Variants in FAM135B observed in about 807,000 individuals in gnomAD.
FAM135B encodes the protein protein FAM135B.
A neutral mutation model predicts 127.7 loss-of-function variants in FAM135B; 43 were observed. The observed-to-expected ratio is 0.34, with a 90% CI of 0.26 to 0.43. FAM135B has a LOEUF of 0.43. FAM135B is among the 20% of genes least tolerant of loss of function. The probability of loss-of-function intolerance (pLI) is 1.00; values close to 1 mark genes in which losing one functional copy is unlikely to be tolerated. For missense variants in FAM135B, 1,558 were observed against 1,725.6 expected, an observed-to-expected ratio of 0.90 and a Z score of 1.72; for synonymous variants, 670 against 665.1, an observed-to-expected ratio of 1.01 and a Z score of -0.11.
intron 1 of FAM135B, among the ~76,000 whole-genome samples, chr8:138,426,010 T>TATATATATATATAC (rs1563992442): frequency 4.3e-4 from 7 of 16,202 alleles, no homozygotes; most frequent in East Asian, 1.0e-3. Context: ...TATATATATA[T>TATATATATATATAC]ATACACACAC....
rs541575476 is a variant in FAM135B at position 138,380,867 on chromosome 8, G to A, written c.-19-12865C>T. Among the ~76,000 whole-genome samples, 20 of 151,828 alleles carry A rather than the reference G, an allele frequency of 1.3e-4. No individual in the cohort carries two copies. In the South Asian group the frequency reaches 3.5e-3, roughly 27 times the overall value. ...TCCTTCCTCTTAACATGCAGACATC[G>A]GGTAATGGATAACATCAGGGTATCA... On this transcript the variant is annotated intron_variant, in intron 1 of 19. Coordinates refer to ENST00000395297, the MANE Select transcript of FAM135B (RefSeq NM_015912.4).
intron 1 of FAM135B, among the ~76,000 whole-genome samples, chr8:138,420,275 C>T (rs569221921): frequency 7.2e-5 from 11 of 152,008 alleles, no homozygotes; most frequent in African/African-American, 2.6e-4. Context: ...TTCCTGGAAA[C>T]ATAAAATTTC....
At chr8:138,216,083 C>G (rs1158647957) in intron 7 of FAM135B, among the ~76,000 whole-genome samples, 5 of 152,122 alleles carry the variant, frequency 3.3e-5, no homozygotes, top group African/African-American at 4.8e-5. Context: ...AGACAAGGAG[C>G]CTGTCTGCAC....
At chr8:138,459,710 G>A (rs1418293141) in intron 1 of FAM135B, 1 of 152,170 alleles carries the variant, frequency 6.6e-6, no homozygotes, top group Non-Finnish European at 1.5e-5. Context: ...CTGCAGAAGG[G>A]GCCCTGGCAT....
At chr8:138,166,449 T>C (rs1819933254) in intron 12 of FAM135B, among the ~76,000 whole-genome samples, 4 of 152,230 alleles carry the variant, frequency 2.6e-5, no homozygotes, top group African/African-American at 9.6e-5. Context: ...AAACATGTGA[T>C]CTTTTCCTCC....
At position 138,335,318 on chromosome 8, in the gene FAM135B, C is replaced by T. The variant is rs118078752; in HGVS notation, c.78-24398G>A. 8.8e-3 allele frequency among the ~76,000 whole-genome samples: 1,333 copies of T among 152,274 alleles called. 9 individuals are homozygous for T. The highest frequency in any genetic ancestry group is 0.013 in the Non-Finnish European group (870 of 68,032). ...ACGATTCCTCATTCTTCTCGCCCAG[C>T]ACCCTCATCATCTTATTATTTTCTT... On this transcript the variant is annotated intron_variant, in intron 2 of 19. Coordinates refer to ENST00000395297, the MANE Select transcript of FAM135B (RefSeq NM_015912.4).
intron 3 of FAM135B, among the ~76,000 whole-genome samples, chr8:138,287,304 G>A (rs1183179527): frequency 2.0e-5 from 3 of 152,016 alleles, no homozygotes; most frequent in Non-Finnish European, 4.4e-5. Context: ...TGAGAAGATG[G>A]TCAACCTCCT....
In FAM135B at chr8:138,494,028, T is replaced by C. The variant is rs986503384; in HGVS notation, c.-20+2643A>G. On this transcript the variant is annotated intron_variant, in intron 1 of 19. Coordinates refer to ENST00000395297, the MANE Select transcript of FAM135B (RefSeq NM_015912.4). ...GTTTAAAATATTCCATCAGATGTTT[T>C]CAGCAAATGTTACATGAAGGCCATT... Among the ~76,000 whole-genome samples, 5 of 99,048 alleles carry C rather than the reference T, an allele frequency of 5.0e-5. No homozygotes were observed. The African/African-American group carries it at 5.7e-4, about 11-fold the overall frequency. The allele number at this position is 99,048 out of a possible 152,430, so 65.0% of individuals were successfully genotyped here. A position where few individuals can be genotyped will look rare whatever the true frequency, so the allele number is the denominator to read the frequency against.
At chr8:138,325,812 T>C (rs909484621) in intron 2 of FAM135B, among the ~76,000 whole-genome samples, 2 of 152,178 alleles carry the variant, frequency 1.3e-5, no homozygotes, top group African/African-American at 2.4e-5. Flanking sequence ...GCAAACTAAC[T>C]CTCTGAGCTT....
intron 9 of FAM135B, among the ~76,000 whole-genome samples, chr8:138,192,655 G>A (rs1816244378): frequency 6.6e-6 from 1 of 152,096 alleles, no homozygotes; most frequent in Non-Finnish European, 1.5e-5. Flanking sequence ...AGGACAGTTG[G>A]ACTCATCGCC....
intron 1 of FAM135B, among the ~76,000 whole-genome samples, chr8:138,422,256 C>G (rs954320152): frequency 1.3e-5 from 2 of 152,086 alleles, no homozygotes. Context: ...ATAACAAAAA[C>G]TAAAATAGGC....
intron 7 of FAM135B, among the ~76,000 whole-genome samples, chr8:138,226,663 G>C (rs1819478045): frequency 6.6e-6 from 1 of 152,172 alleles, no homozygotes; most frequent in South Asian, 2.1e-4. Flanking sequence ...CCAGGTTCAA[G>C]CTATTCTCCT....
intron 7 of FAM135B, among the ~76,000 whole-genome samples, chr8:138,235,889 G>C (rs1180426050): frequency 6.6e-6 from 1 of 152,152 alleles, no homozygotes; most frequent in African/African-American, 2.4e-5. Context: ...TCCTCTGTCT[G>C]GGAAACCATC....
intron 2 of FAM135B, among the ~76,000 whole-genome samples, chr8:138,344,577 CTT>C (rs869039075): frequency 6.0e-5 from 5 of 83,932 alleles, no homozygotes; most frequent in Non-Finnish European, 8.2e-5. Context: ...TTCTTTCTTT[CTT>C]TTTTTTTTTT....
At position 138,152,128 on chromosome 8, in the gene FAM135B, C is replaced by T. The variant is rs1293616101; in HGVS notation, c.2347G>A (p.Ala783Thr). The T allele has an allele frequency of 6.2e-7, 1 of 1,613,974 alleles. No individual in the cohort carries two copies. Among genetic ancestry groups the T allele is most frequent in the East Asian group, 2.2e-5 (1 of 44,856 alleles). Residue 783 changes from alanine to threonine, a missense_variant, in exon 13 of 20, where the codon GCT becomes ACT. Ala to Thr is a moderately conservative substitution (Grantham distance 58). Around this residue, in one of 5 missense-constraint regions of FAM135B, gnomAD observed 923 missense variants for 865.3 expected, o/e 1.07. Coordinates refer to ENST00000395297, the MANE Select transcript of FAM135B (RefSeq NM_015912.4). The stretch of plus-strand genomic sequence containing the variant: ...TGCTGCTTGGTGTCCGCATCTTCAG[C>T]AGCCTCCTCTGGGCTACTGATGTGG... ...APHISSPEEA[A>T]EDADTKQQDG... is the part of the protein sequence containing the mutation.
chr8:138,201,210 C>T (rs1817091575), intron 7 of FAM135B, among the ~76,000 whole-genome samples: 1 of 152,174 alleles, frequency 6.6e-6, no homozygotes, highest in Admixed American at 6.5e-5. Flanking sequence ...CGCTACCTGC[C>T]ACTGTCTCAC....
chr8:138,486,179 G>A (rs1352047709), intron 1 of FAM135B, among the ~76,000 whole-genome samples: 2 of 151,936 alleles, frequency 1.3e-5, no homozygotes, highest in Non-Finnish European at 2.9e-5. Flanking sequence ...CAAGCAGAAG[G>A]AGTGGCTAAG....
At chr8:138,442,905 A>G (rs1256499289) in intron 1 of FAM135B, among the ~76,000 whole-genome samples, 1 of 152,192 alleles carries the variant, frequency 6.6e-6, no homozygotes, top group African/African-American at 2.4e-5. Flanking sequence ...CTGACAAATC[A>G]GAAAGGACTA....
At chr8:138,390,541 T>A (rs1832506622) in intron 1 of FAM135B, among the ~76,000 whole-genome samples, 1 of 152,210 alleles carries the variant, frequency 6.6e-6, no homozygotes, top group Non-Finnish European at 1.5e-5. Context: ...GAAAAGGGAC[T>A]AATATAGTGT....
Sources: allele counts gnomAD v4.1 joint callset (sites outside exome capture counted in the v4.1 genomes callset), GRCh38; gene constraint gnomAD v4.1.1; regional missense constraint gnomAD v4.1.1; transcripts MANE v1.5; gene names NCBI Gene and HGNC (gene_info 2026-07-23, HGNC 2026-07-21).